ATP2C1: variants seen among roughly 807,000 people sequenced by gnomAD.
The protein encoded by ATP2C1 is ATPase secretory pathway Ca2+ transporting 1.
In ATP2C1, 31 loss-of-function variants were observed where a neutral mutation model predicts 120.5. That is an observed-to-expected ratio of 0.26 (90% confidence interval 0.19 to 0.35). The LOEUF (loss-of-function observed/expected upper bound fraction) is 0.35. ATP2C1 is among the 10% of genes least tolerant of loss of function. ATP2C1 has a pLI of 1.00. For synonymous variants in ATP2C1, 351 were observed against 358.7 expected, an observed-to-expected ratio of 0.98 and a Z score of 0.24; for missense variants, 731 against 1,107.5, an observed-to-expected ratio of 0.66 and a Z score of 4.83.
chr3:131,008,441 G>A (rs1442634420), intron 26 of ATP2C1, among the ~76,000 whole-genome samples: 24 of 145,916 alleles, frequency 1.6e-4, no homozygotes, highest in African/African-American at 5.7e-4. Flanking sequence ...AAAAAAAAAA[G>A]GAAAGAAAAG....
intron 16 of ATP2C1, among the ~76,000 whole-genome samples, chr3:130,968,180 A>G (rs928875558): frequency 4.6e-5 from 7 of 152,208 alleles, no homozygotes; most frequent in Admixed American, 3.9e-4. Flanking sequence ...TTTCCTTGGC[A>G]GAAAAGCACA....
chr3:130,901,795 C>T (rs1466503096), intron 2 of ATP2C1, among the ~76,000 whole-genome samples: 1 of 152,012 alleles, frequency 6.6e-6, no homozygotes, highest in African/African-American at 2.4e-5. Flanking sequence ...TGGGACGTAC[C>T]TACTGTCAAT....
chr3:130,962,664 G>A (rs1314025246), intron 12 of ATP2C1, among the ~76,000 whole-genome samples: 5 of 143,594 alleles, frequency 3.5e-5, no homozygotes, highest in East Asian at 2.0e-4. Context: ...GAAAAGATTC[G>A]TTGTATCTAG....
chr3:130,961,761 A>C (rs972034553), intron 12 of ATP2C1, among the ~76,000 whole-genome samples: 4 of 152,068 alleles, frequency 2.6e-5, no homozygotes, highest in Admixed American at 2.6e-4. Context: ...ACTTTCTACT[A>C]TAATGGCAAA....
chr3:130,905,441 A>G (rs2058078954), intron 2 of ATP2C1, among the ~76,000 whole-genome samples: 1 of 151,982 alleles, frequency 6.6e-6, no homozygotes, highest in Non-Finnish European at 1.5e-5. Context: ...ATATTGACTT[A>G]CTTGTTTCAT....
intron 5 of ATP2C1, among the ~76,000 whole-genome samples, chr3:130,937,051 T>A (rs1410252828): frequency 1.3e-5 from 2 of 152,204 alleles, no homozygotes; most frequent in African/African-American, 4.8e-5. Context: ...CATAAAGTTA[T>A]TTGTGTTAGC....
chr3:130,889,269 A>AGG (rs2069085125), upstream of ATP2C1, among the ~76,000 whole-genome samples: 6 of 152,356 alleles, frequency 3.9e-5, no homozygotes, highest in African/African-American at 1.4e-4. Context: ...TGCAAACTCA[A>AGG]TACAGTGGCC....
intron 1 of ATP2C1, among the ~76,000 whole-genome samples, chr3:130,861,504 T>A (rs1013114958): frequency 1.3e-5 from 2 of 152,206 alleles, no homozygotes; most frequent in African/African-American, 4.8e-5. Flanking sequence ...TTCCTCTGCC[T>A]TTTGGTCCTA....
chr3:130,931,789 T>C (rs1243578943), intron 3 of ATP2C1, among the ~76,000 whole-genome samples: 2 of 152,070 alleles, frequency 1.3e-5, no homozygotes, highest in African/African-American at 4.8e-5. Flanking sequence ...ACCATTAAGA[T>C]AGAACATTTT....
At chr3:130,907,699 A>G (rs1025902086) in intron 2 of ATP2C1, among the ~76,000 whole-genome samples, 2 of 149,890 alleles carry the variant, frequency 1.3e-5, no homozygotes, top group African/African-American at 2.4e-5. Flanking sequence ...TTGAAACTGG[A>G]AGTGTGAGAC....
intron 26 of ATP2C1, among the ~76,000 whole-genome samples, chr3:131,011,060 T>C (rs1206337694): frequency 2.0e-5 from 3 of 152,236 alleles, no homozygotes; most frequent in East Asian, 1.9e-4. Context: ...GGCATAGTCA[T>C]TGATTTATTT....
At chr3:130,971,967 A>G (rs2061334412) in intron 17 of ATP2C1, among the ~76,000 whole-genome samples, 1 of 151,922 alleles carries the variant, frequency 6.6e-6, no homozygotes. Flanking sequence ...AAGATTCAAG[A>G]GTTTTAGAAA....
At chr3:131,015,864 C>T (rs182385594) in intron 26 of ATP2C1, 2 of 503,064 alleles carry the variant, frequency 4.0e-6, no homozygotes, top group East Asian at 8.6e-5. Flanking sequence ...CAATGATTGC[C>T]TCCCCTCTCC....
intron 20 of ATP2C1, among the ~76,000 whole-genome samples, chr3:130,986,333 C>T (rs1263905207): frequency 3.3e-5 from 5 of 151,974 alleles, no homozygotes; most frequent in Non-Finnish European, 7.4e-5. Context: ...AACATTTTAC[C>T]ATTAGACTTC....
At chr3:130,909,398 G>C (rs1441782882) in intron 2 of ATP2C1, among the ~76,000 whole-genome samples, 2 of 152,156 alleles carry the variant, frequency 1.3e-5, no homozygotes, top group Non-Finnish European at 2.9e-5. Flanking sequence ...TAAAATATTT[G>C]AAGATACCTG....
intron 20 of ATP2C1, among the ~76,000 whole-genome samples, chr3:130,981,171 C>T (rs1448850206): frequency 6.6e-6 from 1 of 152,108 alleles, no homozygotes; most frequent in East Asian, 1.9e-4. Flanking sequence ...ATCATCCCCC[C>T]AGATTATCTT....
At chr3:131,014,280 T>C (rs1358014648) in intron 26 of ATP2C1, 1 of 1,613,974 alleles carries the variant, frequency 6.2e-7, no homozygotes, top group East Asian at 2.2e-5. Context: ...ATTGAATAGA[T>C]ATTCATAAAG....
Position 130,997,627 on chromosome 3 carries a change from T to C in ATP2C1, c.2265T>C (p.Asp755=). Residue 755 remains aspartate (D), a synonymous_variant, in exon 25 of 28, where the codon GAT becomes GAC. Coordinates refer to ENST00000510168, the MANE Select transcript of ATP2C1 (RefSeq NM_001378687.1). ...PAQSLGVEPV[D]KDVIRKPPRN... Reference sequence around the variant, plus strand: ...TAAGCCTTGGAGTAGAACCAGTGGATAAAGATGTCATTCGTAAACCTCCTC... The same window carrying C: ...TAAGCCTTGGAGTAGAACCAGTGGACAAAGATGTCATTCGTAAACCTCCTC... 1 of 1,613,566 alleles carries C rather than the reference T, an allele frequency of 6.2e-7. No individual in the cohort carries two copies. The highest frequency in any genetic ancestry group is 8.5e-7 in the Non-Finnish European group (1 of 1,179,726).
Position 130,997,769 on chromosome 3 carries a change from A to C in ATP2C1, c.2391+16A>C. 6.2e-7 allele frequency: 1 copy of C among 1,612,364 alleles called. No homozygotes were observed. Among genetic ancestry groups the C allele is most frequent in the Non-Finnish European group, 8.5e-7 (1 of 1,179,080 alleles). On this transcript the variant is annotated intron_variant, in intron 25 of 27. Coordinates refer to ENST00000510168, the MANE Select transcript of ATP2C1 (RefSeq NM_001378687.1). ...CTGGCGTGAGGTATATTCACTGGCC[A>C]AGCTGCTATATTAACATGAATTCTG... is the stretch of plus-strand genomic sequence containing the variant.
Sources: allele counts gnomAD v4.1 joint callset (sites outside exome capture counted in the v4.1 genomes callset), GRCh38; gene constraint gnomAD v4.1.1; transcripts MANE v1.5; gene names NCBI Gene and HGNC (gene_info 2026-07-23, HGNC 2026-07-21).